Variants in TIMM23B observed in about 807,000 individuals in gnomAD.
TIMM23B encodes translocase of inner mitochondrial membrane 23 homolog B.
TIMM23B carries 27 observed loss-of-function variants against 27.3 expected under a neutral mutation model. The observed-to-expected ratio is 0.99, with a 90% CI of 0.73 to 1.36. The LOEUF (loss-of-function observed/expected upper bound fraction) is 1.36, where lower values mean the gene tolerates loss of function less well. TIMM23B is among the 40% of genes most tolerant of loss of function. TIMM23B has a pLI of 0.00. For synonymous variants in TIMM23B, 73 were observed against 92.4 expected (o/e 0.79, Z 1.21); for missense variants, 205 against 244.2 (o/e 0.84, Z 1.07).
At chr10:49,966,913 A>G (rs1415194785) in intron 6 of TIMM23B, among the ~76,000 whole-genome samples, 1 of 151,672 alleles carries the variant, frequency 6.6e-6, no homozygotes, top group Non-Finnish European at 1.5e-5. Context: ...CTATTAAAAT[A>G]GCTCTGTACT....
chr10:49,966,670 A>G (rs182775629), intron 6 of TIMM23B, among the ~76,000 whole-genome samples: 1 of 152,004 alleles, frequency 6.6e-6, no homozygotes, highest in Non-Finnish European at 1.5e-5. Flanking sequence ...TACTAAAATA[A>G]AAAAACTAGC....
rs536935122 is a variant in TIMM23B at position 49,970,547 on chromosome 10, C to T, written c.515-2465C>T. 872 of 156,062 alleles carry T rather than the reference C, an allele frequency of 5.6e-3. 3 individuals are homozygous for T. The highest frequency in any genetic ancestry group is 7.2e-3 in the Non-Finnish European group (510 of 71,284). 9.7% of individuals were successfully genotyped at this position (156,062 alleles called of 1,614,324 possible). On this transcript the variant is annotated intron_variant, in intron 6 of 6. Coordinates refer to ENST00000651259, the MANE Select transcript of TIMM23B (RefSeq NM_001290117.2). ...GCCCTGTCTGAGAAGTGAGGAGCCC[C>T]GCCGCCCAGCAGCTGCCCCTTCTGA...
chr10:49,966,748 C>T (rs1465850855), intron 6 of TIMM23B, among the ~76,000 whole-genome samples: 1 of 151,342 alleles, frequency 6.6e-6, no homozygotes, highest in Non-Finnish European at 1.5e-5. Flanking sequence ...TCGCTTGAAC[C>T]CAGGAGATGG....
intron 6 of TIMM23B, 111 bp from the exon 7 acceptor site, chr10:49,972,901 A>C: frequency 1.3e-6 from 1 of 753,332 alleles, no homozygotes; most frequent in Non-Finnish European, 2.2e-6. Context: ...TTTTGTCAGA[A>C]TGAAAGCCTG....
At chr10:49,951,969 T>C (rs1449471832) in intron 2 of TIMM23B, among the ~76,000 whole-genome samples, 157 bp from the exon 3 acceptor site, 1 of 152,370 alleles carries the variant, frequency 6.6e-6, no homozygotes, top group African/African-American at 2.4e-5. Context: ...GATTTAGGTG[T>C]TACTGCTGCA....
intron 6 of TIMM23B, among the ~76,000 whole-genome samples, chr10:49,961,625 G>C (rs1173727258): frequency 2.0e-5 from 3 of 150,706 alleles, no homozygotes; most frequent in Non-Finnish European, 1.5e-5. Context: ...TTTGAGTTGC[G>C]GTCTTGCTCT....
At position 49,963,772 on chromosome 10, in the gene TIMM23B, C is replaced by T. The variant is rs1483489763; in HGVS notation, c.514+5292C>T. Among the ~76,000 whole-genome samples the T allele has an allele frequency of 3.3e-5, 5 of 152,166 alleles. No homozygotes were observed. The East Asian group carries it at 9.6e-4, about 29-fold the overall frequency. On this transcript the variant is annotated intron_variant, in intron 6 of 6. Coordinates refer to ENST00000651259, the MANE Select transcript of TIMM23B (RefSeq NM_001290117.2). The stretch of plus-strand genomic sequence containing the variant: ...CCTGAGGTCAGGAGTTCAAGACCAG[C>T]CTGGCCAACATGATGAAACCCCATC...
chr10:49,967,598 G>A (rs1389843100), intron 6 of TIMM23B, among the ~76,000 whole-genome samples: 8 of 151,346 alleles, frequency 5.3e-5, no homozygotes, highest in African/African-American at 1.9e-4. Flanking sequence ...TATTTGTCCT[G>A]TGACATAGAA....
rs1467899730 is a variant in TIMM23B at position 49,961,448 on chromosome 10, T to A, written c.514+2968T>A. 2.9e-3 allele frequency among the ~76,000 whole-genome samples: 445 copies of A among 151,926 alleles called. 1 individual carries two copies. The highest frequency in any genetic ancestry group is 0.01 in the African/African-American group (426 of 41,488). On this transcript the variant is annotated intron_variant, in intron 6 of 6. Coordinates refer to ENST00000651259, the MANE Select transcript of TIMM23B (RefSeq NM_001290117.2). ...GGATCACTAGAAGACGGTTTGCTGT[T>A]TGGTGGTTTCTTTCTCTGTTTTGTT...
intron 6 of TIMM23B, among the ~76,000 whole-genome samples, chr10:49,969,323 C>A (rs1408507973): frequency 4.7e-5 from 7 of 150,134 alleles, no homozygotes; most frequent in African/African-American, 1.5e-4. Flanking sequence ...TGTAGTCCCA[C>A]TTACTGGGAA....
intron 1 of TIMM23B, 111 bp downstream of exon 1, chr10:49,942,411 C>G: frequency 6.5e-7 from 1 of 1,540,066 alleles, no homozygotes; most frequent in African/African-American, 1.4e-5. Context: ...CTGGCGTTTA[C>G]AAGCTTAAGT....
chr10:49,955,732 G>T (rs1188452694), intron 5 of TIMM23B, among the ~76,000 whole-genome samples: 3 of 152,138 alleles, frequency 2.0e-5, no homozygotes, highest in African/African-American at 7.2e-5. Context: ...GATTAAGGAG[G>T]GGAAGACATA....
rs1413968372 is a variant in TIMM23B at position 49,969,833 on chromosome 10, G to A, written c.515-3179G>A. Among the ~76,000 whole-genome samples, 7 of 151,496 alleles carry A rather than the reference G, an allele frequency of 4.6e-5. No homozygotes were observed. The East Asian group carries it at 7.8e-4, about 17-fold the overall frequency. ...CCCTCTCTTTCCATGGTCTCCCTCT[G>A]ATGCCGAGCCGAAGCTGGACTGTAC... On this transcript the variant is annotated intron_variant, in intron 6 of 6. Coordinates refer to ENST00000651259, the MANE Select transcript of TIMM23B (RefSeq NM_001290117.2).
chr10:49,965,387 G>A (rs1364752016), intron 6 of TIMM23B, among the ~76,000 whole-genome samples: 5 of 152,096 alleles, frequency 3.3e-5, no homozygotes, highest in African/African-American at 1.2e-4. Flanking sequence ...CTGGGTGATA[G>A]AGCGAGTCTA....
Position 49,954,933 on chromosome 10 carries a change from A to G in TIMM23B, c.345-69A>G, listed in dbSNP as rs1232732453. The G allele has an allele frequency of 2.0e-4, 319 of 1,597,316 alleles. No individual in the cohort carries two copies. In the African/African-American group the frequency reaches 3.6e-3, roughly 18 times the overall value. On this transcript the variant is annotated intron_variant, in intron 4 of 6. Transcript: ENST00000651259. ...GGTCTAGACATGTTAAATAGCCATT[A>G]TTGTTTTTAAAGATTACTAGAGAAA...
At chr10:49,948,564 A>G (rs1839424549) in intron 2 of TIMM23B, among the ~76,000 whole-genome samples, 1 of 152,378 alleles carries the variant, frequency 6.6e-6, no homozygotes, top group South Asian at 2.1e-4. Flanking sequence ...ATTATGCTAC[A>G]ATATAAATGA....
Position 49,958,466 on chromosome 10 carries a change from T to A in TIMM23B, c.500T>A (p.Leu167Ter). 6.2e-7 allele frequency: 1 copy of A among 1,612,924 alleles called. No individual in the cohort carries two copies. Among genetic ancestry groups the A allele is most frequent in the South Asian group, 1.1e-5 (1 of 91,050 alleles). ...GCAGCTGGAACCATGACAGGCATGT[T>A]GTATAAATGTACAGGTGAGTACTGT... ...TVAAGTMTGM[L>*]YKCTVSEMAL... The change falls in exon 6 of 7, where the codon TTG becomes TAG. Residue 167 changes from leucine to a stop codon, truncating the protein, a stop_gained. Coordinates refer to ENST00000651259, the MANE Select transcript of TIMM23B (RefSeq NM_001290117.2). LOFTEE classifies it high-confidence loss of function.
chr10:49,962,927 CGTT>C (rs1839971401), intron 6 of TIMM23B, among the ~76,000 whole-genome samples: 1 of 145,158 alleles, frequency 6.9e-6, no homozygotes, highest in Admixed American at 6.9e-5. Flanking sequence ...GTTTCACTCT[CGTT>C]GGCCAGACTG....
intron 4 of TIMM23B, among the ~76,000 whole-genome samples, chr10:49,953,357 T>G (rs1239959800): frequency 1.3e-5 from 2 of 152,154 alleles, no homozygotes; most frequent in Non-Finnish European, 2.9e-5. Flanking sequence ...ATTGTGTGGT[T>G]TTTTGAGAGA....
Sources: gnomAD v4.1 joint callset for allele counts (sites outside exome capture counted in the v4.1 genomes callset) on GRCh38, gnomAD v4.1.1 for gene constraint, MANE v1.5 for transcripts, NCBI Gene and HGNC (gene_info 2026-07-23, HGNC 2026-07-21) for gene names.